Variants in MMP26 observed in about 807,000 individuals in gnomAD.
MMP26 encodes the protein matrix metalloproteinase-26.
MMP26 carries 33 observed loss-of-function variants against 31.0 expected under a neutral mutation model. The ratio of observed to expected loss-of-function variants is 1.06; its 90% CI spans 0.81 to 1.42. The LOEUF (loss-of-function observed/expected upper bound fraction) is 1.42, where lower values mean the gene tolerates loss of function less well. Among genes scored for constraint, MMP26 ranks in the 40% most tolerant of loss-of-function variants. The pLI, the probability that MMP26 is intolerant of heterozygous loss-of-function variation, is 0.00. For missense variants in MMP26, 347 were observed against 316.1 expected, an observed-to-expected ratio of 1.10 and a Z score of -0.74; for synonymous variants, 122 against 114.9, an observed-to-expected ratio of 1.06 and a Z score of -0.40.
chr11:4,962,469 ACAGATGATAGAGG>A (rs1045290457), intron 2 of MMP26, among the ~76,000 whole-genome samples: 1 of 152,166 alleles, frequency 6.6e-6, no homozygotes, highest in African/African-American at 2.4e-5. Context: ...CTGGGTTAGG[ACAGATGATAGAGG>A]CAGAAACTCC....
chr11:4,941,932 A>C (rs1237171125), intron 2 of MMP26, among the ~76,000 whole-genome samples: 3 of 151,134 alleles, frequency 2.0e-5, no homozygotes, highest in Non-Finnish European at 4.4e-5. Context: ...AAAAATACAA[A>C]AAATTAGCCA....
chr11:4,786,505 T>TTTA (rs1848948016), intron 2 of MMP26, among the ~76,000 whole-genome samples: 1 of 120,774 alleles, frequency 8.3e-6, no homozygotes. Flanking sequence ...TTTTTTTTTT[T>TTTA]TTTTTTTTTT....
At chr11:4,859,120 T>C (rs1050382146) in intron 2 of MMP26, among the ~76,000 whole-genome samples, 5 of 152,150 alleles carry the variant, frequency 3.3e-5, no homozygotes, top group South Asian at 4.1e-4. Flanking sequence ...ATAAAAACCC[T>C]AGAATAAAAC....
intron 2 of MMP26, among the ~76,000 whole-genome samples, chr11:4,986,932 C>CTCTCTCTCTCTCTCTCTCTCTCCCTCT (rs1564819722): frequency 1.7e-5 from 1 of 60,408 alleles, no homozygotes; most frequent in African/African-American, 7.1e-5. Flanking sequence ...TCTCTCTCTC[C>CTCTCTCTCTCTCTCTCTCTCTCCCTCT]CTCTCTCTCT....
chr11:4,881,053 C>T (rs899516109), intron 2 of MMP26, among the ~76,000 whole-genome samples: 1 of 152,078 alleles, frequency 6.6e-6, no homozygotes, highest in African/African-American at 2.4e-5. Context: ...AGACTTGTAC[C>T]TGAAGAGAGA....
At chr11:4,958,426 T>C (rs1164022113) in intron 2 of MMP26, among the ~76,000 whole-genome samples, 1 of 152,190 alleles carries the variant, frequency 6.6e-6, no homozygotes, top group African/African-American at 2.4e-5. Context: ...AAGAGTCTTA[T>C]TTATTTTCTA....
intron 1 of MMP26, among the ~76,000 whole-genome samples, chr11:4,739,350 C>T (rs1848283015): frequency 6.6e-6 from 1 of 152,152 alleles, no homozygotes; most frequent in Non-Finnish European, 1.5e-5. Flanking sequence ...GTTTTCTTCT[C>T]TTTCCTTTCT....
intron 2 of MMP26, among the ~76,000 whole-genome samples, chr11:4,978,951 C>A (rs1034873398): frequency 6.6e-6 from 1 of 152,056 alleles, no homozygotes; most frequent in African/African-American, 2.4e-5. Flanking sequence ...CAAGATATGA[C>A]AAAGTAAGCA....
At chr11:4,835,292 C>G (rs996667769) in intron 2 of MMP26, among the ~76,000 whole-genome samples, 1 of 151,606 alleles carries the variant, frequency 6.6e-6, no homozygotes, top group African/African-American at 2.4e-5. Flanking sequence ...ATCAAGTAGA[C>G]CAACCCAGAG....
At chr11:4,866,692 G>C (rs146834632) in intron 2 of MMP26, among the ~76,000 whole-genome samples, 254 of 152,170 alleles carry the variant, frequency 1.7e-3, no homozygotes, top group Middle Eastern at 0.01. Flanking sequence ...TATATTACAA[G>C]GCTACAGTAA....
chr11:4,763,414 T>C (rs1848592605), intron 1 of MMP26, among the ~76,000 whole-genome samples: 1 of 152,204 alleles, frequency 6.6e-6, no homozygotes, highest in Non-Finnish European at 1.5e-5. Context: ...GTTTCTTCAA[T>C]GAAAGAATAT....
chr11:4,847,964 C>T (rs1849898094), intron 2 of MMP26: 1 of 393,090 alleles, frequency 2.5e-6, no homozygotes, highest in East Asian at 4.1e-5. Flanking sequence ...AAGATAACAA[C>T]AGGCACACAC....
chr11:4,816,852 C>T (rs544191487), intron 2 of MMP26, among the ~76,000 whole-genome samples: 228 of 146,790 alleles, frequency 1.6e-3, no homozygotes, highest in African/African-American at 5.2e-3. Context: ...TACAGGCGCC[C>T]GCCACCACGC....
At chr11:4,717,740 T>C (rs974961622) in intron 1 of MMP26, among the ~76,000 whole-genome samples, 1 of 152,242 alleles carries the variant, frequency 6.6e-6, no homozygotes, top group African/African-American at 2.4e-5. Context: ...CCTGTGGATA[T>C]GCATACCATT....
intron 2 of MMP26, among the ~76,000 whole-genome samples, chr11:4,964,459 C>T (rs1454913577): frequency 2.6e-5 from 4 of 152,058 alleles, no homozygotes; most frequent in Admixed American, 6.6e-5. Context: ...CTATTCTGTT[C>T]CATTGGTTTA....
At chr11:4,936,674 A>G (rs1452284881) in intron 2 of MMP26, among the ~76,000 whole-genome samples, 8 of 152,224 alleles carry the variant, frequency 5.3e-5, no homozygotes, top group African/African-American at 1.9e-4. Flanking sequence ...ATAAATGCAG[A>G]AAAGGTTTAA....
chr11:4,766,284 G>T (rs1328674259), intron 1 of MMP26, among the ~76,000 whole-genome samples: 3 of 152,206 alleles, frequency 2.0e-5, no homozygotes, highest in Admixed American at 1.3e-4. Flanking sequence ...AGCTCCAGGA[G>T]ATAGAATTAT....
intron 2 of MMP26, among the ~76,000 whole-genome samples, chr11:4,834,467 T>G (rs1054059523): frequency 1.3e-5 from 2 of 152,220 alleles, no homozygotes; most frequent in African/African-American, 4.8e-5. Context: ...AATCCTTATT[T>G]ACTACATCAG....
chr11:4,958,964 C>T (rs1352537346), intron 2 of MMP26, among the ~76,000 whole-genome samples: 4 of 152,082 alleles, frequency 2.6e-5, no homozygotes, highest in South Asian at 4.1e-4. Flanking sequence ...ATAGGCCGGG[C>T]GCGGTGGCTC....
Sources: allele counts gnomAD v4.1 joint callset (sites outside exome capture counted in the v4.1 genomes callset), GRCh38; gene constraint gnomAD v4.1.1; transcripts MANE v1.5; gene names NCBI Gene and HGNC (gene_info 2026-07-23, HGNC 2026-07-21).